SCYL3: variants seen among roughly 807,000 people sequenced by gnomAD.
The protein encoded by SCYL3 is SCY1 like pseudokinase 3, also known as protein-associating with the carboxyl-terminal domain of ezrin.
In SCYL3, 35 loss-of-function variants were observed where a neutral mutation model predicts 73.8. The observed-to-expected ratio is 0.47, with a 90% CI of 0.36 to 0.63. The LOEUF (loss-of-function observed/expected upper bound fraction) is 0.63. SCYL3 is among the 20% of genes least tolerant of loss of function. SCYL3 has a pLI of 0.00. For synonymous variants in SCYL3, 277 were observed against 295.2 expected, an observed-to-expected ratio of 0.94 and a Z score of 0.63; for missense variants, 712 against 798.9, an observed-to-expected ratio of 0.89 and a Z score of 1.31.
In SCYL3 at chr1:169,883,789, G is replaced by A. The variant is rs139420552; in HGVS notation, c.165+4887C>T. On this transcript the variant is annotated intron_variant, in intron 2 of 12. Transcript: ENST00000367771. ...GCTGCATTGCAGTGGCACAATCTTG[G>A]CTCACTGCAACCTCCGCCTCCCAGG... 5.8e-3 allele frequency among the ~76,000 whole-genome samples: 867 copies of A among 148,912 alleles called. 7 individuals are homozygous for A. Among genetic ancestry groups the A allele is most frequent in the African/African-American group, 0.021 (832 of 40,180 alleles).
chr1:169,880,217 G>A (rs1401070401), intron 2 of SCYL3, among the ~76,000 whole-genome samples: 3 of 151,760 alleles, frequency 2.0e-5, no homozygotes, highest in African/African-American at 7.3e-5. Flanking sequence ...AAAAAAATTG[G>A]GGCATAAAAA....
At chr1:169,891,626 C>T (rs1558150706) in intron 1 of SCYL3, among the ~76,000 whole-genome samples, 1 of 152,180 alleles carries the variant, frequency 6.6e-6, no homozygotes, top group Non-Finnish European at 1.5e-5. Context: ...AAGAGAAAAG[C>T]AGAGAATAAG....
At chr1:169,859,748 G>A (rs1165004115) in intron 10 of SCYL3, 2 of 152,332 alleles carry the variant, frequency 1.3e-5, no homozygotes, top group Admixed American at 1.3e-4. Flanking sequence ...ACTCAATGAG[G>A]ACAGTATGCC....
intron 4 of SCYL3, 129 bp from the exon 5 acceptor site, chr1:169,873,881 A>G (rs1470453201): frequency 4.9e-6 from 3 of 615,800 alleles, no homozygotes; most frequent in Non-Finnish European, 8.7e-6. Flanking sequence ...AATGCCGCAT[A>G]TTAGATGCAC....
Position 169,862,746 on chromosome 1 carries a change from G to A in SCYL3, c.1007C>T (p.Ser336Leu), listed in dbSNP as rs79905184. 3 of 1,614,170 alleles carry A rather than the reference G, an allele frequency of 1.9e-6. No individual in the cohort carries two copies. The highest frequency in any genetic ancestry group is 1.3e-5 in the African/African-American group (1 of 75,034). Residue 336 changes from serine to leucine, a missense_variant, in exon 10 of 13, where the codon TCA becomes TTA. Physicochemically the swap from Ser to Leu is moderately radical, Grantham distance 145. This residue lies in a region of SCYL3 where 342 missense variants were observed against 448.1 expected (regional missense o/e 0.76). Transcript: ENST00000367771. ...CTGGAGAAGCACGGGGATCACCCGT[G>A]ACTGGAACAGGGCTGGTGAGAGCAA... ...PCLLSPALFQ[S>L]RVIPVLLQLF...
intron 11 of SCYL3, among the ~76,000 whole-genome samples, chr1:169,858,615 A>G (rs717481): frequency 0.7 from 106,801 of 152,074 alleles, 37,693 homozygotes; most frequent in Middle Eastern, 0.85. Flanking sequence ...ACTTTTATAT[A>G]ACTGGCAGCA....
chr1:169,859,298 G>T, intron 10 of SCYL3, 86 bp from the exon 11 acceptor site: 1 of 1,311,082 alleles, frequency 7.6e-7, no homozygotes, highest in Non-Finnish European at 1.0e-6. Context: ...GCTGCAAACA[G>T]ATTGTGCTTA....
chr1:169,886,187 T>G (rs920841098), intron 2 of SCYL3, among the ~76,000 whole-genome samples: 1 of 152,066 alleles, frequency 6.6e-6, no homozygotes, highest in Non-Finnish European at 1.5e-5. Context: ...GGCGCGTGCC[T>G]GTAATCCCAG....
In SCYL3 at chr1:169,851,927, ATCT is replaced by A. The variant is rs771820544; in HGVS notation, c.*1783_*1785del. On this transcript the variant is annotated 3_prime_UTR_variant, in exon 13 of 13. Transcript: ENST00000367771. Reference sequence around the variant, plus strand: ...TGACTGTAGAAGAAGCAAAGAGGTCATCTTTACAGGTATGGGCTGATTTCAATA... The same window carrying A: ...TGACTGTAGAAGAAGCAAAGAGGTCATTACAGGTATGGGCTGATTTCAATA... 1 of 1,613,990 alleles carries A rather than the reference ATCT, an allele frequency of 6.2e-7. No homozygotes were observed. The highest frequency in any genetic ancestry group is 8.5e-7 in the Non-Finnish European group (1 of 1,179,960).
intron 9 of SCYL3, among the ~76,000 whole-genome samples, chr1:169,863,619 T>C (rs1361260792): frequency 6.6e-6 from 1 of 152,098 alleles, no homozygotes; most frequent in Non-Finnish European, 1.5e-5. Flanking sequence ...CTAGAACCAA[T>C]GGATCAAGCA....
intron 11 of SCYL3, among the ~76,000 whole-genome samples, chr1:169,858,432 T>C (rs1050781336): frequency 2.0e-5 from 3 of 152,236 alleles, no homozygotes; most frequent in Non-Finnish European, 4.4e-5. Context: ...AACAATGCCT[T>C]CTTCTGGAAT....
Position 169,854,117 on chromosome 1 carries a change from T to TA in SCYL3, c.2007+152dup, listed in dbSNP as rs796411034. On this transcript the variant is annotated intron_variant, in intron 12 of 12. Coordinates refer to ENST00000367771, the MANE Select transcript of SCYL3 (RefSeq NM_020423.7). ...TACATTTTTCTGGGGGAAGGAAAGATAGATACCAATGATAGAAACTGATTT... is the reference window on the plus strand; with the variant it reads ...TACATTTTTCTGGGGGAAGGAAAGATAAGATACCAATGATAGAAACTGATTT... 5 of 632,058 alleles carry TA rather than the reference T, an allele frequency of 7.9e-6. No individual in the cohort carries two copies. The African/African-American group carries it at 9.9e-5, about 13-fold the overall frequency. The allele number at this position is 632,058 out of a possible 1,614,324, so 39.2% of individuals were successfully genotyped here.
intron 1 of SCYL3, among the ~76,000 whole-genome samples, chr1:169,889,237 G>A (rs549325554): frequency 6.0e-4 from 92 of 152,188 alleles, no homozygotes; most frequent in African/African-American, 2.1e-3. Flanking sequence ...GGAAAATGTT[G>A]TAAAAATATT....
chr1:169,884,258 A>G (rs1457994624), intron 2 of SCYL3, among the ~76,000 whole-genome samples: 6 of 152,202 alleles, frequency 3.9e-5, no homozygotes, highest in African/African-American at 1.4e-4. Context: ...AAATGAGTGC[A>G]GTTAACTGGG....
chr1:169,869,697 G>C lies in SCYL3; in HGVS notation c.625+558C>G, dbSNP rs868063077. ...AAAGTCCTAAAGTGGGCACAGGAGA[G>C]TGAAGCAGGCTGCCAAGCATGCAGT... On this transcript the variant is annotated intron_variant, in intron 6 of 12. Coordinates refer to ENST00000367771, the MANE Select transcript of SCYL3 (RefSeq NM_020423.7). Among the ~76,000 whole-genome samples, 73 of 152,334 alleles carry C rather than the reference G, an allele frequency of 4.8e-4. No individual in the cohort carries two copies. In the Middle Eastern group the frequency reaches 0.01, roughly 21 times the overall value.
intron 10 of SCYL3, 97 bp from the exon 11 acceptor site, chr1:169,859,309 G>T: frequency 8.4e-7 from 1 of 1,187,940 alleles, no homozygotes; most frequent in Non-Finnish European, 1.2e-6. Flanking sequence ...ATTGTGCTTA[G>T]ATAAACTACA....
At chr1:169,893,491 G>T (rs973025255) in intron 1 of SCYL3, among the ~76,000 whole-genome samples, 1 of 152,094 alleles carries the variant, frequency 6.6e-6, no homozygotes, top group Non-Finnish European at 1.5e-5. Flanking sequence ...ACACCTCCCT[G>T]CGAGGACCGA....
In SCYL3 at chr1:169,853,661, T is replaced by C; in HGVS notation, c.*52A>G. The C allele has an allele frequency of 6.3e-7, 1 of 1,597,304 alleles. No homozygotes were observed. The highest frequency in any genetic ancestry group is 8.6e-7 in the Non-Finnish European group (1 of 1,169,132). The stretch of plus-strand genomic sequence containing the variant: ...CAAAGCCTGCTTTTGAGGTATTGAT[T>C]TTTTTTAAAAAAAGGGAATCCTTTT... On this transcript the variant is annotated 3_prime_UTR_variant, in exon 13 of 13. Coordinates refer to ENST00000367771, the MANE Select transcript of SCYL3 (RefSeq NM_020423.7).
chr1:169,849,865 C>G lies in SCYL3; in HGVS notation c.*3848G>C, dbSNP rs776143076. 4.0e-6 allele frequency: 2 copies of G among 496,082 alleles called. No homozygotes were observed. The highest frequency in any genetic ancestry group is 3.6e-6 in the Non-Finnish European group (1 of 277,596). 30.7% of individuals were successfully genotyped at this position (496,082 alleles called of 1,614,324 possible). A position where few individuals can be genotyped will look rare whatever the true frequency, so the allele number is the denominator to read the frequency against. ...GCCTACTGATACAGACAGACACAGA[C>G]ACAGTCTTCCAGCAGATAGTATTTT... is the stretch of plus-strand genomic sequence containing the variant. On this transcript the variant is annotated 3_prime_UTR_variant, in exon 13 of 13. Transcript: ENST00000367771.
Sources: allele counts gnomAD v4.1 joint callset (sites outside exome capture counted in the v4.1 genomes callset), GRCh38; gene constraint gnomAD v4.1.1; regional missense constraint gnomAD v4.1.1; transcripts MANE v1.5; gene names NCBI Gene and HGNC (gene_info 2026-07-23, HGNC 2026-07-21).